PFN4: variants seen among roughly 807,000 people sequenced by gnomAD.
PFN4 encodes the protein profilin-4.
In PFN4, 10 loss-of-function variants were observed where a neutral mutation model predicts 16.3. That is an observed-to-expected ratio of 0.61 (90% CI 0.38 to 1.04). PFN4 has a LOEUF of 1.04. PFN4 is among the 50% of genes least tolerant of loss of function. PFN4 has a pLI of 0.01. For synonymous variants in PFN4, 54 were observed against 56.9 expected (o/e 0.95, Z 0.23); for missense variants, 136 against 153.6 (o/e 0.89, Z 0.61).
chr2:24,121,587 CAG>C (rs1666120375), intron 2 of PFN4, among the ~76,000 whole-genome samples: 1 of 152,124 alleles, frequency 6.6e-6, no homozygotes, highest in Admixed American at 6.5e-5. Flanking sequence ...GTGGTTGTGA[CAG>C]AGACTCTACG....
chr2:24,115,027 G>GA lies in PFN4; in HGVS notation c.*555_*556insT, dbSNP rs1326392937. Among the ~76,000 whole-genome samples the GA allele has an allele frequency of 6.6e-6, 1 of 152,210 alleles. No individual in the cohort carries two copies. Among genetic ancestry groups the GA allele is most frequent in the East Asian group, 1.9e-4 (1 of 5,200 alleles). ...TTGACTAGTGGTCCATTGTTGAATG[G>GA]CCTTTGCAATCCCTTCTCCCAAGTC... On this transcript the variant is annotated 3_prime_UTR_variant, in exon 5 of 5. Transcript: ENST00000313213.
chr2:24,118,354 T>C (rs1014050960), intron 4 of PFN4, among the ~76,000 whole-genome samples: 24 of 152,248 alleles, frequency 1.6e-4, no homozygotes, highest in African/African-American at 5.5e-4. Flanking sequence ...ATATAGTTTC[T>C]GTGATAAACT....
chr2:24,122,196 G>A (rs1258831352), intron 2 of PFN4, among the ~76,000 whole-genome samples: 1 of 152,020 alleles, frequency 6.6e-6, no homozygotes, highest in African/African-American at 2.4e-5. Context: ...GCCGGGCCTG[G>A]TAGCGCACTC....
chr2:24,119,607 T>C lies in PFN4; in HGVS notation c.331A>G (p.Ser111Gly), dbSNP rs1194635418. ...CTCTCTGTGGCTTCCACACAGATGC[T>C]AGGATACATGCCCTCAGTGTAAGTT... ...VATYTEGMYP[S>G]ICVEATESLG... Residue 111 changes from serine to glycine, a missense_variant, in exon 4 of 5, where the codon AGC becomes GGC. Coordinates refer to ENST00000313213, the MANE Select transcript of PFN4 (RefSeq NM_199346.3). 6.2e-7 allele frequency: 1 copy of C among 1,613,960 alleles called. No homozygotes were observed. The highest frequency in any genetic ancestry group is 2.2e-5 in the East Asian group (1 of 44,876).
intron 4 of PFN4, 110 bp downstream of exon 4, chr2:24,119,467 A>G: frequency 1.3e-6 from 1 of 743,916 alleles, no homozygotes; most frequent in Non-Finnish European, 2.2e-6. Flanking sequence ...CATCCTTCCA[A>G]TAAATTCCTC....
At chr2:24,119,954 AT>A (rs1295908200) in intron 3 of PFN4, among the ~76,000 whole-genome samples, 2 of 152,160 alleles carry the variant, frequency 1.3e-5, no homozygotes, top group African/African-American at 4.8e-5. Context: ...ATTGATTATC[AT>A]ATACCCCATC....
chr2:24,118,125 G>C (rs1665982227), intron 4 of PFN4, among the ~76,000 whole-genome samples: 1 of 152,136 alleles, frequency 6.6e-6, no homozygotes, highest in Non-Finnish European at 1.5e-5. Context: ...TAGCTGACAG[G>C]GTAAGAGCCT....
Position 24,121,232 on chromosome 2 carries a change from T to G in PFN4, c.186A>C (p.Glu62Asp). 1 of 1,614,222 alleles carries G rather than the reference T, an allele frequency of 6.2e-7. No homozygotes were observed. Among genetic ancestry groups the G allele is most frequent in the Non-Finnish European group, 8.5e-7 (1 of 1,180,034 alleles). The change falls in exon 3 of 5, where the codon GAA becomes GAC. Residue 62 changes from glutamate (E) to aspartate (D), a missense_variant. Transcript: ENST00000313213. The stretch of plus-strand genomic sequence containing the variant: ...AATCTTTTCCCTTGAAATACAGTCC[T>G]TCTCTTCGGGCTTGCAAAGGGTTCT... ...FAKNPLQARR[E>D]GLYFKGKDYR... is the part of the protein sequence containing the mutation.
intron 3 of PFN4, 124 bp from the exon 4 acceptor site, chr2:24,119,806 C>T: frequency 1.1e-5 from 7 of 634,966 alleles, no homozygotes; most frequent in Non-Finnish European, 1.9e-5. Flanking sequence ...ATGGAATATA[C>T]ATATTCCGTA....
At position 24,119,620 on chromosome 2, in the gene PFN4, C is replaced by T; in HGVS notation, c.318G>A (p.Glu106=). ...HLYLLVATYT[E]GMYPSICVEA... ...CCACACAGATGCTAGGATACATGCC[C>T]TCAGTGTAAGTTGCTACCAGAAGAT... Residue 106 remains glutamate (E), a synonymous_variant, in exon 4 of 5, where the codon GAG becomes GAA. Transcript: ENST00000313213. 4 of 1,613,940 alleles carry T rather than the reference C, an allele frequency of 2.5e-6. No individual in the cohort carries two copies. Among genetic ancestry groups the T allele is most frequent in the Non-Finnish European group, 3.4e-6 (4 of 1,179,898 alleles).
chr2:24,117,023 T>TTC (rs1474647322), intron 4 of PFN4, among the ~76,000 whole-genome samples: 8 of 149,580 alleles, frequency 5.3e-5, no homozygotes, highest in African/African-American at 2.0e-4. Flanking sequence ...CATTTTTTTT[T>TTC]TTTTTTTTTT....
At chr2:24,121,070 A>T (rs1345408179) in intron 3 of PFN4, 93 bp downstream of exon 3, 5 of 1,480,764 alleles carry the variant, frequency 3.4e-6, no homozygotes, top group Non-Finnish European at 4.6e-6. Context: ...TAATGGATTT[A>T]ATCTGTTTTA....
intron 2 of PFN4, 62 bp from the exon 3 acceptor site, chr2:24,121,362 T>G: frequency 6.5e-7 from 1 of 1,529,570 alleles, no homozygotes; most frequent in Non-Finnish European, 8.9e-7. Flanking sequence ...CAGCCAAATT[T>G]AGCCCACTAC....
chr2:24,116,541 T>C (rs921199954), intron 4 of PFN4, among the ~76,000 whole-genome samples: 1 of 151,966 alleles, frequency 6.6e-6, no homozygotes, highest in Admixed American at 6.6e-5. Context: ...TCACAACGTA[T>C]GCTTAAGATT....
chr2:24,122,618 C>T (rs1666156704), intron 1 of PFN4, 71 bp from the exon 2 acceptor site: 1 of 888,494 alleles, frequency 1.1e-6, no homozygotes, highest in South Asian at 1.4e-5. Flanking sequence ...TACAAATGTC[C>T]TTAAGACACT....
intron 1 of PFN4, 164 bp from the exon 2 acceptor site, chr2:24,122,711 C>A: frequency 2.0e-6 from 1 of 503,660 alleles, no homozygotes; most frequent in Non-Finnish European, 3.5e-6. Flanking sequence ...CCCACCAGTA[C>A]CCAAAGAGGA....
At chr2:24,116,436 C>T (rs948345769) in intron 4 of PFN4, among the ~76,000 whole-genome samples, 1 of 152,226 alleles carries the variant, frequency 6.6e-6, no homozygotes, top group African/African-American at 2.4e-5. Flanking sequence ...AGTTGATCCT[C>T]CTGCCTCAGC....
Position 24,122,326 on chromosome 2 carries a change from CAAAA to C in PFN4, c.117+89_117+92del, listed in dbSNP as rs71397404. 12 of 747,536 alleles carry C rather than the reference CAAAA, an allele frequency of 1.6e-5. No homozygotes were observed. In the Middle Eastern group the frequency reaches 1.5e-3, roughly 91 times the overall value. The allele number at this position is 747,536 out of a possible 1,614,324, so 46.3% of individuals were successfully genotyped here. A position where few individuals can be genotyped will look rare whatever the true frequency, so the allele number is the denominator to read the frequency against. Reference sequence around the variant, plus strand: ...AAGCAACAAGAGTGAAATTCCGTCTCAAAAAAAAAAAAAAGTCATGTCTGCTTCA... The same window carrying C: ...AAGCAACAAGAGTGAAATTCCGTCTCAAAAAAAAAAGTCATGTCTGCTTCA... On this transcript the variant is annotated intron_variant, in intron 2 of 4. Transcript: ENST00000313213.
chr2:24,122,598 G>C, intron 1 of PFN4, 51 bp from the exon 2 acceptor site: 2 of 1,115,992 alleles, frequency 1.8e-6, no homozygotes, highest in Non-Finnish European at 2.7e-6. Context: ...GCTTTTAAAA[G>C]GCATGTGAAT....
Sources: allele counts gnomAD v4.1 joint callset (sites outside exome capture counted in the v4.1 genomes callset), GRCh38; gene constraint gnomAD v4.1.1; transcripts MANE v1.5; gene names NCBI Gene and HGNC (gene_info 2026-07-23, HGNC 2026-07-21).